PPARGC1A: variants seen among roughly 807,000 people sequenced by gnomAD.
PPARGC1A encodes peroxisome proliferator-activated receptor gamma coactivator 1-alpha.
PPARGC1A carries 25 observed loss-of-function variants against 88.7 expected under a neutral mutation model. The ratio of observed to expected loss-of-function variants is 0.28; its 90% CI spans 0.21 to 0.39. The LOEUF (loss-of-function observed/expected upper bound fraction) is 0.39, where lower values mean the gene tolerates loss of function less well. PPARGC1A is among the 10% of genes least tolerant of loss of function. The pLI, the probability that PPARGC1A is intolerant of heterozygous loss-of-function variation, is 1.00. For missense variants in PPARGC1A, 880 were observed against 968.7 expected, an observed-to-expected ratio of 0.91 and a Z score of 1.22; for synonymous variants, 363 against 355.6, an observed-to-expected ratio of 1.02 and a Z score of -0.24.
chr4:24,103,518 A>T, the PPARGC1A span, among the ~76,000 whole-genome samples: 28 of 151,444 alleles, frequency 1.8e-4, no homozygotes, highest in Admixed American at 5.3e-4. Flanking sequence ...TGCTGCAAGA[A>T]GCACTAGTCT....
chr4:24,436,799 G>T, the PPARGC1A span, among the ~76,000 whole-genome samples: 5 of 138,506 alleles, frequency 3.6e-5, no homozygotes, highest in African/African-American at 1.5e-4. Context: ...AGCTGACATC[G>T]GTTGGCCACC....
chr4:23,970,645 G>A, the PPARGC1A span, among the ~76,000 whole-genome samples: 1 of 152,114 alleles, frequency 6.6e-6, no homozygotes, highest in Non-Finnish European at 1.5e-5. Flanking sequence ...GGAGTCATGC[G>A]CTATGTTCTT....
the PPARGC1A span, among the ~76,000 whole-genome samples, chr4:24,056,387 G>A: frequency 6.6e-6 from 1 of 152,116 alleles, no homozygotes; most frequent in African/African-American, 2.4e-5. Flanking sequence ...TTATCCCATT[G>A]TTGCTTAGCT....
intron 2 of PPARGC1A, among the ~76,000 whole-genome samples, chr4:23,873,537 T>C (rs28716955): frequency 0.64 from 96,504 of 151,958 alleles, 31,126 homozygotes; most frequent in Middle Eastern, 0.7. Context: ...AGTTTCTCCG[T>C]AGCTACCGGC....
chr4:24,171,360 C>T, the PPARGC1A span, among the ~76,000 whole-genome samples: 11 of 151,844 alleles, frequency 7.2e-5, no homozygotes, highest in African/African-American at 2.2e-4. Context: ...GAGCAGAGAT[C>T]GCACCACTGC....
the PPARGC1A span, among the ~76,000 whole-genome samples, chr4:24,001,240 T>G: frequency 6.6e-6 from 1 of 152,226 alleles, no homozygotes. Context: ...TTAATGATTT[T>G]CTTTGTTATA....
chr4:24,094,161 G>A, the PPARGC1A span, among the ~76,000 whole-genome samples: 16 of 152,208 alleles, frequency 1.1e-4, no homozygotes, highest in South Asian at 3.1e-3. Flanking sequence ...CAGGAATGCC[G>A]AGCCTGTTCT....
chr4:23,804,555 C>G (rs1399260185), intron 10 of PPARGC1A, among the ~76,000 whole-genome samples: 1 of 152,182 alleles, frequency 6.6e-6, no homozygotes, highest in African/African-American at 2.4e-5. Context: ...CGTCCATTAA[C>G]TTCTAAAATA....
In PPARGC1A at chr4:23,794,584, T is replaced by C. The variant is rs1216046441; in HGVS notation, c.*1238A>G. ...AGCTTCTAAATATGTTAGTGTACAA[T>C]AATTGTTTCACCTCATAATTACATT... is the stretch of plus-strand genomic sequence containing the variant. On this transcript the variant is annotated 3_prime_UTR_variant, in exon 13 of 13. Coordinates refer to ENST00000264867, the MANE Select transcript of PPARGC1A (RefSeq NM_013261.5). The C allele has an allele frequency of 4.6e-5, 7 of 152,588 alleles. No homozygotes were observed. The highest frequency in any genetic ancestry group is 3.9e-4 in the Admixed American group (6 of 15,260). The allele number at this position is 152,588 out of a possible 1,614,324, so 9.5% of individuals were successfully genotyped here. A position where few individuals can be genotyped will look rare whatever the true frequency, so the allele number is the denominator to read the frequency against.
the PPARGC1A span, among the ~76,000 whole-genome samples, chr4:24,150,114 A>G: frequency 5.0e-4 from 76 of 152,286 alleles, no homozygotes; most frequent in African/African-American, 1.6e-3. Flanking sequence ...AAAAGCTAAC[A>G]AATCAGTAGT....
chr4:23,814,619 T>TTAA lies in PPARGC1A; in HGVS notation c.878-15_878-14insTTA. 8.5e-7 allele frequency: 1 copy of TTAA among 1,180,970 alleles called. No individual in the cohort carries two copies. Among genetic ancestry groups the TTAA allele is most frequent in the African/African-American group, 1.7e-5 (1 of 57,276 alleles). 73.2% of individuals were successfully genotyped at this position (1,180,970 alleles called of 1,614,324 possible). ...GTGGAGTTAGGCCTAAGGCAAAAAT[T>TTAA]AAAAAAAAAAAAAAAAAGAGAGAGA... On this transcript the variant is annotated splice_polypyrimidine_tract_variant and intron_variant, in intron 7 of 12. Coordinates refer to ENST00000264867, the MANE Select transcript of PPARGC1A (RefSeq NM_013261.5).
the PPARGC1A span, among the ~76,000 whole-genome samples, chr4:23,957,484 A>G: frequency 3.9e-4 from 59 of 152,278 alleles, 1 homozygote; most frequent in African/African-American, 1.4e-3. Flanking sequence ...TTAGCAGACC[A>G]TCCTTAGCCT....
At chr4:24,370,749 CTTTTTTTTTTTTTTTT>C in the PPARGC1A span, among the ~76,000 whole-genome samples, 236 of 62,930 alleles carry the variant, frequency 3.8e-3, 6 homozygotes, top group East Asian at 0.062. Context: ...CTGTCTCTCT[CTTTTTTTTTTTTTTTT>C]TTTTTTTTTT....
chr4:24,253,985 TC>T, the PPARGC1A span, among the ~76,000 whole-genome samples: 1 of 152,334 alleles, frequency 6.6e-6, no homozygotes, highest in South Asian at 2.1e-4. Context: ...TATCTTACTA[TC>T]TGCCAAACAC....
At chr4:24,291,447 C>T in the PPARGC1A span, among the ~76,000 whole-genome samples, 1 of 113,394 alleles carries the variant, frequency 8.8e-6, no homozygotes, top group Non-Finnish European at 1.7e-5. Context: ...AATCATAGCT[C>T]ATGGCTGCCA....
chr4:24,441,737 G>C, the PPARGC1A span, among the ~76,000 whole-genome samples: 1 of 152,130 alleles, frequency 6.6e-6, no homozygotes, highest in Non-Finnish European at 1.5e-5. Flanking sequence ...GAGGAAAGGA[G>C]GAGGGGAGGA....
At chr4:24,427,165 T>C in the PPARGC1A span, among the ~76,000 whole-genome samples, 1 of 152,226 alleles carries the variant, frequency 6.6e-6, no homozygotes, top group Non-Finnish European at 1.5e-5. Flanking sequence ...AATTTTCTAA[T>C]GTCCTCATTA....
the PPARGC1A span, among the ~76,000 whole-genome samples, chr4:24,365,689 A>C: frequency 6.6e-6 from 1 of 152,152 alleles, no homozygotes; most frequent in South Asian, 2.1e-4. Context: ...CATTCTCCAA[A>C]ATGCCTTTTT....
At chr4:23,876,248 C>T (rs1002567301) in intron 2 of PPARGC1A, among the ~76,000 whole-genome samples, 1 of 152,284 alleles carries the variant, frequency 6.6e-6, no homozygotes, top group East Asian at 1.9e-4. Flanking sequence ...AACTAAGTGA[C>T]TATTGGTAAT....
Sources: allele counts gnomAD v4.1 joint callset (sites outside exome capture counted in the v4.1 genomes callset), GRCh38; gene constraint gnomAD v4.1.1; transcripts MANE v1.5; gene names NCBI Gene and HGNC (gene_info 2026-07-23, HGNC 2026-07-21).